Variants in KDM4C observed in about 807,000 individuals in gnomAD.
The protein encoded by KDM4C is lysine demethylase 4C.
A neutral mutation model predicts 129.3 loss-of-function variants in KDM4C; 81 were observed. The ratio of observed to expected loss-of-function variants is 0.63; its 90% CI spans 0.52 to 0.75. The LOEUF is 0.75. Among genes scored for constraint, KDM4C ranks in the 30% least tolerant of loss-of-function variants. The probability of loss-of-function intolerance (pLI) is 0.00; values close to 1 mark genes in which losing one functional copy is unlikely to be tolerated. For missense variants in KDM4C, 1,457 were observed against 1,304.0 expected (o/e 1.12, Z -1.81); for synonymous variants, 573 against 456.1 (o/e 1.26, Z -3.26).
chr9:6,860,857 C>T (rs1484800614), intron 5 of KDM4C, among the ~76,000 whole-genome samples: 1 of 152,232 alleles, frequency 6.6e-6, no homozygotes. Context: ...TGTCTGGGCT[C>T]CTTGCTTAAA....
chr9:7,121,970 T>A (rs1055056906), intron 18 of KDM4C, among the ~76,000 whole-genome samples: 1 of 152,176 alleles, frequency 6.6e-6, no homozygotes, highest in African/African-American at 2.4e-5. Flanking sequence ...TCTGGTTGGT[T>A]TTATTTCCTT....
intron 2 of KDM4C, among the ~76,000 whole-genome samples, chr9:6,798,768 C>T (rs1478071634): frequency 1.3e-3 from 198 of 152,212 alleles, no homozygotes; most frequent in African/African-American, 4.5e-3. Context: ...ACCTCCCAGA[C>T]GGGGTGGTGG....
intron 6 of KDM4C, among the ~76,000 whole-genome samples, chr9:6,882,372 A>G (rs1009455668): frequency 6.6e-6 from 1 of 152,242 alleles, no homozygotes; most frequent in African/African-American, 2.4e-5. Flanking sequence ...AATCTCACCT[A>G]TTTTAGAAAA....
chr9:6,972,521 T>C (rs1469127834), intron 8 of KDM4C, among the ~76,000 whole-genome samples: 3 of 152,180 alleles, frequency 2.0e-5, no homozygotes, highest in Non-Finnish European at 4.4e-5. Context: ...AATTATCTGC[T>C]TAGGAAAATG....
intron 1 of KDM4C, among the ~76,000 whole-genome samples, chr9:6,730,471 T>C (rs1454774730): frequency 6.6e-6 from 1 of 151,756 alleles, no homozygotes; most frequent in Non-Finnish European, 1.5e-5. Flanking sequence ...AAAAATTAGC[T>C]GGGCGTGGTG....
intron 1 of KDM4C, among the ~76,000 whole-genome samples, chr9:6,738,358 C>G (rs1817592578): frequency 6.6e-6 from 1 of 152,044 alleles, no homozygotes; most frequent in Admixed American, 6.6e-5. Context: ...TGCTGTAATC[C>G]CAGCTACTCG....
At chr9:7,034,929 C>A (rs191847332) in intron 15 of KDM4C, among the ~76,000 whole-genome samples, 1 of 152,064 alleles carries the variant, frequency 6.6e-6, no homozygotes, top group African/African-American at 2.4e-5. Flanking sequence ...GTGATGTTTA[C>A]CCTTTCTTTT....
At chr9:6,861,149 G>A (rs114948964) in intron 5 of KDM4C, among the ~76,000 whole-genome samples, 36 of 152,154 alleles carry the variant, frequency 2.4e-4, no homozygotes, top group African/African-American at 7.9e-4. Flanking sequence ...ACCAACATTG[G>A]TCTTTTTTCT....
intron 1 of KDM4C, among the ~76,000 whole-genome samples, chr9:6,752,006 G>A (rs529458838): frequency 6.6e-6 from 1 of 152,110 alleles, no homozygotes. Context: ...GCTACTGCTG[G>A]AGAGATTAAG....
rs957880960 is a variant in KDM4C at position 6,857,056 on chromosome 9, T to C, written c.629+7356T>C. Among the ~76,000 whole-genome samples the C allele has an allele frequency of 3.3e-5, 5 of 152,188 alleles. 1 individual carries two copies. The South Asian group carries it at 8.3e-4, about 25-fold the overall frequency. On this transcript the variant is annotated intron_variant, in intron 5 of 21. Coordinates refer to ENST00000381309, the MANE Select transcript of KDM4C (RefSeq NM_015061.6). The stretch of plus-strand genomic sequence containing the variant: ...TTTGTAGAGATGGGATCTTCCTATG[T>C]TGAGCCTTCCTAGGCTGGTTTTACA...
intron 5 of KDM4C, among the ~76,000 whole-genome samples, chr9:6,869,784 G>C (rs1842586032): frequency 6.6e-6 from 1 of 152,196 alleles, no homozygotes. Context: ...CCAGGAGTGG[G>C]ACTTGGCAGC....
intron 18 of KDM4C, among the ~76,000 whole-genome samples, chr9:7,127,009 G>A (rs1840088222): frequency 6.6e-6 from 1 of 152,144 alleles, no homozygotes; most frequent in Non-Finnish European, 1.5e-5. Flanking sequence ...AGCCCATAAT[G>A]ACAATGGGTG....
chr9:6,807,057 C>G (rs1044632843), intron 3 of KDM4C, among the ~76,000 whole-genome samples: 6 of 152,086 alleles, frequency 3.9e-5, no homozygotes, highest in Non-Finnish European at 8.8e-5. Context: ...CGCCGCCACG[C>G]CTGACTGGTT....
chr9:6,742,791 G>C, intron 1 of KDM4C, among the ~76,000 whole-genome samples: 1 of 151,822 alleles, frequency 6.6e-6, no homozygotes, highest in South Asian at 2.1e-4. Context: ...CCCTCCTTGA[G>C]GCTCCCTCTC....
chr9:6,984,667 T>G (rs935134363), intron 10 of KDM4C, among the ~76,000 whole-genome samples: 1 of 66,538 alleles, frequency 1.5e-5, no homozygotes, highest in African/African-American at 4.5e-5. Flanking sequence ...CTAAAATGAG[T>G]TTTTTTTTTT....
chr9:6,757,913 G>A (rs900074570), upstream of KDM4C: 4 of 985,414 alleles, frequency 4.1e-6, no homozygotes, highest in Non-Finnish European at 4.8e-6. Context: ...GTAAGCCCAC[G>A]TGACTCACCA....
At chr9:6,884,037 G>C (rs1050270131) in intron 6 of KDM4C, among the ~76,000 whole-genome samples, 5 of 152,046 alleles carry the variant, frequency 3.3e-5, no homozygotes, top group African/African-American at 1.2e-4. Flanking sequence ...TACACAACGC[G>C]CACCATGTCT....
chr9:6,882,509 A>G (rs146581408), intron 6 of KDM4C, among the ~76,000 whole-genome samples: 2 of 152,300 alleles, frequency 1.3e-5, no homozygotes, highest in African/African-American at 4.8e-5. Flanking sequence ...AAAAAACTGA[A>G]AAGGATTTAC....
At chr9:6,734,517 C>T in intron 1 of KDM4C, 1 of 173,336 alleles carries the variant, frequency 5.8e-6, no homozygotes, top group Non-Finnish European at 1.2e-5. Flanking sequence ...TGGTCTCGAA[C>T]TCCTGATCTC....
Sources: gnomAD v4.1 joint callset for allele counts (sites outside exome capture counted in the v4.1 genomes callset) on GRCh38, gnomAD v4.1.1 for gene constraint, MANE v1.5 for transcripts, NCBI Gene and HGNC (gene_info 2026-07-23, HGNC 2026-07-21) for gene names.